The following HS3ST4 variants were observed in gnomAD, a reference collection of about 807,000 sequenced individuals.
HS3ST4 encodes the protein heparan sulfate-glucosamine 3-sulfotransferase 4, also known as heparan sulfate glucosamine 3-O-sulfotransferase 4.
Under a neutral mutation model 29.2 loss-of-function variants are expected in HS3ST4, and 17 were observed. The observed-to-expected ratio is 0.58, with a 90% confidence interval of 0.40 to 0.87. The LOEUF (loss-of-function observed/expected upper bound fraction) is 0.87, where lower values mean the gene tolerates loss of function less well. HS3ST4 is among the 40% of genes least tolerant of loss of function. The probability of loss-of-function intolerance (pLI) is 0.00; values close to 1 mark genes in which losing one functional copy is unlikely to be tolerated. For missense variants in HS3ST4, 627 were observed against 634.5 expected, an observed-to-expected ratio of 0.99 and a Z score of 0.13; for synonymous variants, 314 against 285.7, an observed-to-expected ratio of 1.10 and a Z score of -1.00.
At chr16:25,700,412 G>T (rs1412582270) in intron 1 of HS3ST4, among the ~76,000 whole-genome samples, 1 of 152,206 alleles carries the variant, frequency 6.6e-6, no homozygotes, top group Non-Finnish European at 1.5e-5. Context: ...ATTTGGGAAT[G>T]CAGGATTGCT....
At chr16:25,715,790 G>A (rs935343259) in intron 1 of HS3ST4, among the ~76,000 whole-genome samples, 2 of 152,202 alleles carry the variant, frequency 1.3e-5, no homozygotes, top group Non-Finnish European at 2.9e-5. Flanking sequence ...CAACAAAGCC[G>A]GAGTCCCTCT....
intron 1 of HS3ST4, among the ~76,000 whole-genome samples, chr16:26,057,308 C>G (rs1898421476): frequency 6.6e-6 from 1 of 152,154 alleles, no homozygotes; most frequent in Admixed American, 6.6e-5. Context: ...GAGCAAACAC[C>G]TTTCTGTGGC....
intron 1 of HS3ST4, among the ~76,000 whole-genome samples, chr16:25,792,098 G>A (rs752113759): frequency 5.2e-4 from 79 of 151,884 alleles, no homozygotes; most frequent in Non-Finnish European, 8.8e-4. Flanking sequence ...TTATGGATCT[G>A]TTGGTATAAC....
intron 1 of HS3ST4, among the ~76,000 whole-genome samples, chr16:25,821,293 G>A (rs148584541): frequency 5.9e-4 from 90 of 152,100 alleles, no homozygotes; most frequent in Non-Finnish European, 9.7e-4. Context: ...TCCTGACCTC[G>A]TGATCCACCT....
intron 1 of HS3ST4, among the ~76,000 whole-genome samples, chr16:25,767,440 C>T (rs1966827397): frequency 6.6e-6 from 1 of 152,144 alleles, no homozygotes; most frequent in African/African-American, 2.4e-5. Context: ...GGCTGAGTGT[C>T]AACTCCATCC....
chr16:26,113,657 TGAG>T (rs1467729610), intron 1 of HS3ST4, among the ~76,000 whole-genome samples: 1 of 152,050 alleles, frequency 6.6e-6, no homozygotes, highest in Non-Finnish European at 1.5e-5. Context: ...TCAGAGATGA[TGAG>T]AATAATGGCT....
intron 1 of HS3ST4, among the ~76,000 whole-genome samples, chr16:26,015,872 A>T (rs1284261428): frequency 6.6e-6 from 1 of 152,194 alleles, no homozygotes; most frequent in Non-Finnish European, 1.5e-5. Context: ...CTTTTTAACT[A>T]GGAGTGATTA....
chr16:25,997,953 C>T (rs2141731926), intron 1 of HS3ST4, among the ~76,000 whole-genome samples: 1 of 152,228 alleles, frequency 6.6e-6, no homozygotes, highest in East Asian at 1.9e-4. Flanking sequence ...AATGAATATT[C>T]AGCCAGGCAT....
intron 1 of HS3ST4, among the ~76,000 whole-genome samples, chr16:25,704,707 G>A (rs576773897): frequency 2.0e-5 from 3 of 151,862 alleles, no homozygotes; most frequent in East Asian, 1.9e-4. Flanking sequence ...GTGAAACCCC[G>A]TCTCTACTAA....
intron 1 of HS3ST4, among the ~76,000 whole-genome samples, chr16:25,730,444 C>G (rs1028507708): frequency 1.4e-5 from 2 of 145,446 alleles, no homozygotes; most frequent in Non-Finnish European, 1.5e-5. Context: ...CTTCCTCCCT[C>G]TCTCCCTTCT....
chr16:25,780,661 C>T (rs137917923), intron 1 of HS3ST4, among the ~76,000 whole-genome samples: 3 of 152,222 alleles, frequency 2.0e-5, no homozygotes, highest in East Asian at 1.9e-4. Flanking sequence ...AATAACAGTG[C>T]GTACCTCATC....
Position 26,025,372 on chromosome 16 carries a change from G to A in HS3ST4, c.735-110240G>A, listed in dbSNP as rs114241236. On this transcript the variant is annotated intron_variant, in intron 1 of 1. Coordinates refer to ENST00000331351, the MANE Select transcript of HS3ST4 (RefSeq NM_006040.3). ...TCATCTATTACCGTTTCATTCGTAC[G>A]CTGGGTCTCACATCTGATATCCAAC... 3.5e-3 allele frequency: 541 copies of A among 154,362 alleles called. 6 individuals carry two copies. Among genetic ancestry groups the A allele is most frequent in the African/African-American group, 0.012 (506 of 41,596 alleles). The allele number at this position is 154,362 out of a possible 1,614,324, so 9.6% of individuals were successfully genotyped here.
chr16:25,963,219 C>T (rs1422861778), intron 1 of HS3ST4, among the ~76,000 whole-genome samples: 1 of 152,186 alleles, frequency 6.6e-6, no homozygotes, highest in African/African-American at 2.4e-5. Context: ...AAACTCAACT[C>T]ATGAACCCAT....
At chr16:26,102,102 C>T (rs1450900194) in intron 1 of HS3ST4, among the ~76,000 whole-genome samples, 1 of 152,092 alleles carries the variant, frequency 6.6e-6, no homozygotes, top group Non-Finnish European at 1.5e-5. Flanking sequence ...ACATATCCCA[C>T]CTACAAGCAT....
At chr16:25,831,596 AT>A (rs1357896901) in intron 1 of HS3ST4, among the ~76,000 whole-genome samples, 3 of 151,378 alleles carry the variant, frequency 2.0e-5, no homozygotes, top group African/African-American at 7.3e-5. Context: ...GTCCAAAAAA[AT>A]AAAAATAAAA....
intron 1 of HS3ST4, among the ~76,000 whole-genome samples, chr16:25,750,166 G>A (rs749128573): frequency 2.0e-5 from 3 of 152,056 alleles, no homozygotes; most frequent in Non-Finnish European, 4.4e-5. Context: ...ACAAAAACTG[G>A]GTCACCTGGG....
intron 1 of HS3ST4, among the ~76,000 whole-genome samples, chr16:26,021,927 G>A (rs1969417258): frequency 6.6e-6 from 1 of 151,846 alleles, no homozygotes; most frequent in Non-Finnish European, 1.5e-5. Flanking sequence ...TTCCCAAAGT[G>A]CTGGAATTAC....
At chr16:25,838,662 C>A (rs1164463560) in intron 1 of HS3ST4, among the ~76,000 whole-genome samples, 1 of 152,158 alleles carries the variant, frequency 6.6e-6, no homozygotes, top group Non-Finnish European at 1.5e-5. Context: ...CCTTCTAAGT[C>A]TTTTCCTAGA....
chr16:26,097,958 A>G (rs1898947925), intron 1 of HS3ST4, among the ~76,000 whole-genome samples: 1 of 152,256 alleles, frequency 6.6e-6, no homozygotes, highest in African/African-American at 2.4e-5. Flanking sequence ...GAACACATCT[A>G]TGCAGCCAAC....
Sources: allele counts gnomAD v4.1 joint callset (sites outside exome capture counted in the v4.1 genomes callset), GRCh38; gene constraint gnomAD v4.1.1; transcripts MANE v1.5; gene names NCBI Gene and HGNC (gene_info 2026-07-23, HGNC 2026-07-21).